The following PARD3B variants were observed in gnomAD, a reference collection of about 807,000 sequenced individuals.
The protein encoded by PARD3B is par-3 family cell polarity regulator beta.
PARD3B carries 103 observed loss-of-function variants against 130.2 expected under a neutral mutation model. The observed-to-expected ratio is 0.79, with a 90% CI of 0.67 to 0.93. The LOEUF (loss-of-function observed/expected upper bound fraction) is 0.93. Among genes scored for constraint, PARD3B ranks in the 40% least tolerant of loss-of-function variants. PARD3B has a pLI of 0.00. For synonymous variants in PARD3B, 583 were observed against 553.2 expected (o/e 1.05, Z -0.76); for missense variants, 1,609 against 1,499.2 (o/e 1.07, Z -1.21).
At chr2:205,103,823 C>T in intron 4 of PARD3B, 1 of 825,542 alleles carries the variant, frequency 1.2e-6, no homozygotes, top group Non-Finnish European at 1.5e-6. Context: ...CTCTCTGACC[C>T]TCTAACCTTT....
At chr2:205,606,793 T>C (rs1024755176) in intron 22 of PARD3B, among the ~76,000 whole-genome samples, 1 of 152,186 alleles carries the variant, frequency 6.6e-6, no homozygotes, top group Non-Finnish European at 1.5e-5. Flanking sequence ...GATAACTGAC[T>C]TATATTTATA....
At chr2:204,747,024 T>G (rs887481719) in intron 2 of PARD3B, among the ~76,000 whole-genome samples, 11 of 152,200 alleles carry the variant, frequency 7.2e-5, no homozygotes, top group African/African-American at 2.2e-4. Context: ...GCCATTGCTT[T>G]TGGTGTTTTA....
In PARD3B at chr2:205,380,546, A is replaced by C. The variant is rs377512363; in HGVS notation, c.2631-20467A>C. ...GAATATATATTATATATAATATATA[A>C]AGAATATATATTATATATAATATAT... is the stretch of plus-strand genomic sequence containing the variant. On this transcript the variant is annotated intron_variant, in intron 18 of 22. Coordinates refer to ENST00000406610, the MANE Select transcript of PARD3B (RefSeq NM_001302769.2). Among the ~76,000 whole-genome samples the C allele has an allele frequency of 0.014, 403 of 29,776 alleles. 76 individuals are homozygous for C. The African/African-American group carries it at 0.14, about 10-fold the overall frequency. The allele number at this position is 29,776 out of a possible 152,430, so 19.5% of individuals were successfully genotyped here. A position where few individuals can be genotyped will look rare whatever the true frequency, so the allele number is the denominator to read the frequency against.
At position 205,617,420 on chromosome 2, in the gene PARD3B, T is replaced by TA. The variant is rs2055470635; in HGVS notation, c.*1610dup. ...CATACCTCTGACTCACAGGATTTAA[T>TA]AAATTATAGTATTATTGAATACATA... On this transcript the variant is annotated 3_prime_UTR_variant, in exon 23 of 23. Transcript: ENST00000406610. 1 of 152,180 alleles carries TA rather than the reference T, an allele frequency of 6.6e-6. No individual in the cohort carries two copies. The highest frequency in any genetic ancestry group is 6.5e-5 in the Admixed American group (1 of 15,282). The allele number at this position is 152,180 out of a possible 1,614,324, so 9.4% of individuals were successfully genotyped here.
rs1696089965 is a variant in PARD3B at position 205,015,648 on chromosome 2, G to A, written c.395-31933G>A. 6.6e-6 allele frequency among the ~76,000 whole-genome samples: 1 copy of A among 152,186 alleles called. No homozygotes were observed. Among genetic ancestry groups the A allele is most frequent in the Admixed American group, 6.5e-5 (1 of 15,280 alleles). On this transcript the variant is annotated intron_variant, in intron 3 of 22. Coordinates refer to ENST00000406610, the MANE Select transcript of PARD3B (RefSeq NM_001302769.2). This position sits in a 1 kb window ranked among gnomAD's most constrained non-coding sequence, Gnocchi z 4.5. ...GATGTAATAAAGGTGGTTGACATCT[G>A]CTTTGTCCTCCGTATCCATACTTTC...
intron 14 of PARD3B, 146 bp from the exon 15 acceptor site, chr2:205,193,059 A>T: frequency 1.6e-6 from 1 of 607,704 alleles, no homozygotes; most frequent in South Asian, 2.2e-5. Flanking sequence ...TCATAAAAGA[A>T]ACCTGAGATT....
At chr2:205,602,642 C>T (rs912005329) in intron 22 of PARD3B, among the ~76,000 whole-genome samples, 1 of 152,122 alleles carries the variant, frequency 6.6e-6, no homozygotes, top group Non-Finnish European at 1.5e-5. Context: ...TCTAAATTTT[C>T]TAGTTTATTT....
At chr2:204,874,543 T>C (rs939917185) in intron 2 of PARD3B, among the ~76,000 whole-genome samples, 1 of 152,114 alleles carries the variant, frequency 6.6e-6, no homozygotes, top group Non-Finnish European at 1.5e-5. Flanking sequence ...CCAGTACATA[T>C]GGATATACAA....
At chr2:205,338,313 G>A (rs1216465872) in intron 18 of PARD3B, among the ~76,000 whole-genome samples, 1 of 152,048 alleles carries the variant, frequency 6.6e-6, no homozygotes. Context: ...ATGTGCTTAT[G>A]GATGTTTTAA....
chr2:204,738,799 T>C (rs1354515828), intron 2 of PARD3B, among the ~76,000 whole-genome samples: 6 of 152,098 alleles, frequency 3.9e-5, no homozygotes, highest in Admixed American at 1.3e-4. Flanking sequence ...CAACATCTGA[T>C]TTTTTTTCTT....
At position 204,695,392 on chromosome 2, in the gene PARD3B, G is replaced by A. The variant is rs567829892; in HGVS notation, c.222+9110G>A. 5.3e-5 allele frequency among the ~76,000 whole-genome samples: 8 copies of A among 152,036 alleles called. No individual in the cohort carries two copies. In the South Asian group the frequency reaches 1.7e-3, roughly 32 times the overall value. On this transcript the variant is annotated intron_variant, in intron 2 of 22. Transcript: ENST00000406610. ...TTCTTTTAAAAATGCAAATGCCTGT[G>A]AGTACTAGTGTCAGTCACCAGTACC...
chr2:205,608,032 A>C (rs2055079361), intron 22 of PARD3B, among the ~76,000 whole-genome samples: 1 of 152,320 alleles, frequency 6.6e-6, no homozygotes, highest in African/African-American at 2.4e-5. Flanking sequence ...GAAAGGGGTC[A>C]GGTAAAGATG....
intron 4 of PARD3B, among the ~76,000 whole-genome samples, chr2:205,072,453 G>A (rs1014747296): frequency 6.6e-6 from 1 of 152,020 alleles, no homozygotes; most frequent in Non-Finnish European, 1.5e-5. Context: ...GTTTCACCAC[G>A]TTGGCCAGGC....
chr2:204,855,051 T>A (rs2044866680), intron 2 of PARD3B, among the ~76,000 whole-genome samples: 1 of 152,038 alleles, frequency 6.6e-6, no homozygotes, highest in Non-Finnish European at 1.5e-5. Context: ...AGGCATGACA[T>A]TTACATAGCG....
At chr2:204,782,101 T>C (rs925274195) in intron 2 of PARD3B, among the ~76,000 whole-genome samples, 2 of 152,068 alleles carry the variant, frequency 1.3e-5, no homozygotes, top group Non-Finnish European at 2.9e-5. Context: ...GAGAGCGTGT[T>C]AGGCTCTGGA....
intron 5 of PARD3B, among the ~76,000 whole-genome samples, chr2:205,108,064 A>G (rs12466722): frequency 0.18 from 27,332 of 152,076 alleles, 3,263 homozygotes; most frequent in South Asian, 0.36. Flanking sequence ...TGTGTCAAGG[A>G]TATCTATTCA....
At chr2:204,833,599 C>G (rs981761088) in intron 2 of PARD3B, among the ~76,000 whole-genome samples, 30 of 152,048 alleles carry the variant, frequency 2.0e-4, no homozygotes, top group Admixed American at 6.5e-4. Flanking sequence ...GTGCTGTTCT[C>G]CTGATAGTAA....
chr2:204,956,901 C>A (rs1251528424), intron 2 of PARD3B, among the ~76,000 whole-genome samples: 3 of 152,058 alleles, frequency 2.0e-5, no homozygotes, highest in African/African-American at 7.2e-5. Flanking sequence ...CTTGCTTTTT[C>A]CATAGTTAAT....
intron 2 of PARD3B, among the ~76,000 whole-genome samples, chr2:204,875,212 C>A (rs1368011308): frequency 2.6e-5 from 4 of 152,160 alleles, no homozygotes; most frequent in African/African-American, 9.7e-5. Context: ...ACATTTTAAT[C>A]ACCTCAGAAA....
Sources: allele counts gnomAD v4.1 joint callset (sites outside exome capture counted in the v4.1 genomes callset), GRCh38; gene constraint gnomAD v4.1.1; non-coding constraint Gnocchi (gnomAD v3.1); transcripts MANE v1.5; gene names NCBI Gene and HGNC (gene_info 2026-07-23, HGNC 2026-07-21).